Variants in ASXL2 observed in about 807,000 individuals in gnomAD.
The protein encoded by ASXL2 is putative Polycomb group protein ASXL2.
ASXL2 carries 23 observed loss-of-function variants against 122.0 expected under a neutral mutation model. The observed-to-expected ratio is 0.19, with a 90% confidence interval of 0.14 to 0.27. The LOEUF (loss-of-function observed/expected upper bound fraction) is 0.27, where lower values mean the gene tolerates loss of function less well. ASXL2 is among the 10% of genes least tolerant of loss of function. The probability of loss-of-function intolerance (pLI) is 1.00; values close to 1 mark genes in which losing one functional copy is unlikely to be tolerated. For missense variants in ASXL2, 1,518 were observed against 1,713.8 expected (o/e 0.89, Z 2.02); for synonymous variants, 650 against 637.0 (o/e 1.02, Z -0.31).
chr2:25,859,239 G>C (rs2089818238), intron 1 of ASXL2, among the ~76,000 whole-genome samples: 1 of 151,982 alleles, frequency 6.6e-6, no homozygotes, highest in African/African-American at 2.4e-5. Flanking sequence ...ACCACACCCA[G>C]CTAAGAAACC....
intron 1 of ASXL2, among the ~76,000 whole-genome samples, chr2:25,873,567 CA>C (rs904113134): frequency 6.6e-6 from 1 of 150,790 alleles, no homozygotes; most frequent in Admixed American, 6.6e-5. Flanking sequence ...ACAAAAGTGA[CA>C]AAAGTTTTAA....
At chr2:25,748,153 GGACGACAGTGCAA>G (rs1234151111) in intron 12 of ASXL2, among the ~76,000 whole-genome samples, 1 of 151,898 alleles carries the variant, frequency 6.6e-6, no homozygotes, top group Non-Finnish European at 1.5e-5. Flanking sequence ...ATTCCAGCCT[GGACGACAGTGCAA>G]GACTCCATCT....
At chr2:25,775,650 CCTT>C (rs1482940210) in intron 5 of ASXL2, among the ~76,000 whole-genome samples, 1 of 152,104 alleles carries the variant, frequency 6.6e-6, no homozygotes, top group Non-Finnish European at 1.5e-5. Flanking sequence ...TTCCCCTTCG[CCTT>C]CTGCCATGAT....
chr2:25,801,545 A>G (rs1489263728), intron 4 of ASXL2, among the ~76,000 whole-genome samples: 2 of 152,234 alleles, frequency 1.3e-5, no homozygotes, highest in African/African-American at 4.8e-5. Context: ...AATGCAGGAC[A>G]GCTTTTATAG....
At chr2:25,799,266 T>C in intron 5 of ASXL2, 119 bp downstream of exon 5, 1 of 1,356,346 alleles carries the variant, frequency 7.4e-7, no homozygotes, top group Non-Finnish European at 1.0e-6. Flanking sequence ...TTGACAGGAC[T>C]GTTATAGAGG....
intron 1 of ASXL2, among the ~76,000 whole-genome samples, chr2:25,873,682 T>C (rs2089983470): frequency 9.0e-6 from 1 of 111,560 alleles, no homozygotes; most frequent in South Asian, 2.8e-4. Flanking sequence ...AGTCTACAAA[T>C]TATATTCCAA....
At chr2:25,796,011 T>C (rs72801809) in intron 5 of ASXL2, among the ~76,000 whole-genome samples, 4,812 of 152,266 alleles carry the variant, frequency 0.032, 106 homozygotes, top group Non-Finnish European at 0.049. Flanking sequence ...TTCCTAACAA[T>C]TGAGGTCTGG....
chr2:25,804,169 A>C (rs551570750), intron 4 of ASXL2, among the ~76,000 whole-genome samples: 1 of 152,328 alleles, frequency 6.6e-6, no homozygotes, highest in East Asian at 1.9e-4. Context: ...GGTAGGTTAG[A>C]TCTTTCTAAT....
intron 4 of ASXL2, among the ~76,000 whole-genome samples, chr2:25,802,564 T>A (rs2089016752): frequency 1.3e-5 from 2 of 152,150 alleles, no homozygotes; most frequent in Admixed American, 1.3e-4. Flanking sequence ...AAAAGGAGCA[T>A]CTGACACAGC....
Position 25,742,065 on chromosome 2 carries a change from G to A in ASXL2, c.4272C>T (p.Pro1424=). ...GAFCHDDCIG[P]SKLCVSCLVV... ...CAAGGCAGGAGACGCACAGTTTGGA[G>A]GGGCCGATGCAATCATCATGGCAGA... Residue 1424 remains proline, a synonymous_variant, in exon 13 of 13, where the codon CCC becomes CCT. Transcript: ENST00000435504. 1 of 1,613,930 alleles carries A rather than the reference G, an allele frequency of 6.2e-7. No individual in the cohort carries two copies. The highest frequency in any genetic ancestry group is 8.5e-7 in the Non-Finnish European group (1 of 1,179,854).
chr2:25,841,503 G>GT lies in ASXL2; in HGVS notation c.140+3977dup, dbSNP rs201886531. ...AACGTAAGGTACAGAGAAATTGTAT[G>GT]TTTTTTTACCACCACAAACATATAT... On this transcript the variant is annotated intron_variant, in intron 2 of 12. Transcript: ENST00000435504. Among the ~76,000 whole-genome samples, 1,099 of 152,098 alleles carry GT rather than the reference G, an allele frequency of 7.2e-3. 17 individuals carry two copies. Among genetic ancestry groups the GT allele is most frequent in the African/African-American group, 0.025 (1,035 of 41,488 alleles).
chr2:25,823,533 AT>A (rs2089337208), intron 3 of ASXL2, among the ~76,000 whole-genome samples: 1 of 152,192 alleles, frequency 6.6e-6, no homozygotes, highest in Non-Finnish European at 1.5e-5. Flanking sequence ...GAATGCCCTA[AT>A]TTAGATGGTT....
At chr2:25,860,557 AC>A (rs575240465) in intron 1 of ASXL2, among the ~76,000 whole-genome samples, 1,587 of 151,712 alleles carry the variant, frequency 0.01, 12 homozygotes, top group Non-Finnish European at 0.016. Context: ...TACTAAAAAT[AC>A]AAAAATGCCG....
intron 5 of ASXL2, among the ~76,000 whole-genome samples, chr2:25,776,587 A>G (rs904492839): frequency 6.6e-6 from 1 of 152,230 alleles, no homozygotes; most frequent in African/African-American, 2.4e-5. Flanking sequence ...CTGTTTTCCA[A>G]AATGGATGCA....
intron 3 of ASXL2, among the ~76,000 whole-genome samples, chr2:25,818,664 C>T (rs79127067): frequency 0.024 from 3,693 of 152,190 alleles, 129 homozygotes; most frequent in African/African-American, 0.077. Context: ...AACAAATCAA[C>T]GAGTGGGGGA....
At chr2:25,781,059 C>CAAAAAAAAA (rs56394505) in intron 5 of ASXL2, among the ~76,000 whole-genome samples, 1 of 109,886 alleles carries the variant, frequency 9.1e-6, no homozygotes. Context: ...ACTCCATCTC[C>CAAAAAAAAA]AAAAAAAAAA....
chr2:25,821,526 G>A (rs772938924), intron 3 of ASXL2, among the ~76,000 whole-genome samples: 1 of 152,104 alleles, frequency 6.6e-6, no homozygotes, highest in Non-Finnish European at 1.5e-5. Flanking sequence ...CACTTTGGGA[G>A]GCCACAGCGA....
chr2:25,873,639 T>C (rs1171326537), intron 1 of ASXL2, among the ~76,000 whole-genome samples: 1 of 150,734 alleles, frequency 6.6e-6, no homozygotes, highest in Non-Finnish European at 1.5e-5. Flanking sequence ...AAAGTCTATA[T>C]ATTAAAAAAA....
chr2:25,740,495 A>G lies in ASXL2; in HGVS notation c.*1534T>C, dbSNP rs2087810141. The G allele has an allele frequency of 4.4e-6, 1 of 227,962 alleles. No homozygotes were observed. The highest frequency in any genetic ancestry group is 1.8e-4 in the South Asian group (1 of 5,496). The allele number at this position is 227,962 out of a possible 1,614,324, so 14.1% of individuals were successfully genotyped here. On this transcript the variant is annotated 3_prime_UTR_variant, in exon 13 of 13. Coordinates refer to ENST00000435504, the MANE Select transcript of ASXL2 (RefSeq NM_018263.6). ...TTAGGAGACTTGAAATCAATATGCA[A>G]ATGATGCAAATTGACACTCCCCCAT... is the stretch of plus-strand genomic sequence containing the variant.
Sources: gnomAD v4.1 joint callset for allele counts (sites outside exome capture counted in the v4.1 genomes callset) on GRCh38, gnomAD v4.1.1 for gene constraint, MANE v1.5 for transcripts, NCBI Gene and HGNC (gene_info 2026-07-23, HGNC 2026-07-21) for gene names.